The following ITGAM variants were observed in gnomAD, a reference collection of about 807,000 sequenced individuals.
The protein encoded by ITGAM is integrin alpha-M.
Under a neutral mutation model 137.5 loss-of-function variants are expected in ITGAM, and 79 were observed. That is an observed-to-expected ratio of 0.57 (90% CI 0.48 to 0.69). ITGAM has a LOEUF of 0.69. Ranked by LOEUF, ITGAM falls within the 30% of genes least tolerant of loss-of-function variation. The pLI is 0.00. For synonymous variants in ITGAM, 583 were observed against 592.3 expected (o/e 0.98, Z 0.23); for missense variants, 1,343 against 1,483.5 (o/e 0.91, Z 1.56).
rs1402652091 is a variant in ITGAM at position 31,273,424 on chromosome 16, T to A, written c.764T>A (p.Val255Asp). ...AAGAATGCCTTTAAGATCCTAGTTG[T>A]CATCACGGATGGAGAAAAGTTTGGC... Reference protein sequence around the residue: ...ARKNAFKILVVITDGEKFGDP... With the variant: ...ARKNAFKILVDITDGEKFGDP... The change falls in exon 8 of 30, where the codon GTC becomes GAC. Residue 255 changes from valine to aspartate, a missense_variant. Transcript: ENST00000544665. The A allele has an allele frequency of 2.5e-6, 4 of 1,613,742 alleles. No homozygotes were observed. The African/African-American group carries it at 5.3e-5, about 22-fold the overall frequency.
intron 12 of ITGAM, among the ~76,000 whole-genome samples, chr16:31,282,412 G>A (rs1472185733): frequency 6.6e-6 from 1 of 152,140 alleles, no homozygotes; most frequent in Non-Finnish European, 1.5e-5. Flanking sequence ...CCTGTACTGG[G>A]TGCATATATA....
At chr16:31,265,978 G>A (rs2144261628) in intron 4 of ITGAM, 52 bp from the exon 5 acceptor site, 2 of 1,593,732 alleles carry the variant, frequency 1.3e-6, no homozygotes, top group East Asian at 2.2e-5. Flanking sequence ...AGGTGCTGGG[G>A]TACAAGGACA....
chr16:31,312,857 G>C (rs1355990405), intron 14 of ITGAM, among the ~76,000 whole-genome samples: 1 of 148,738 alleles, frequency 6.7e-6, no homozygotes, highest in Non-Finnish European at 1.5e-5. Context: ...GTCCTCCTGT[G>C]GTAGTAGGGA....
chr16:31,314,508 T>C (rs2080369755), intron 14 of ITGAM, among the ~76,000 whole-genome samples: 1 of 152,154 alleles, frequency 6.6e-6, no homozygotes, highest in Non-Finnish European at 1.5e-5. Flanking sequence ...ATTTCCTGCT[T>C]TTGTCAGGTT....
chr16:31,286,200 G>T (rs552442927), intron 12 of ITGAM, among the ~76,000 whole-genome samples: 1 of 151,978 alleles, frequency 6.6e-6, no homozygotes, highest in East Asian at 1.9e-4. Flanking sequence ...TTATGGTGGC[G>T]TAGTATTTGA....
At chr16:31,275,195 C>G (rs891411332) in intron 8 of ITGAM, among the ~76,000 whole-genome samples, 4 of 152,082 alleles carry the variant, frequency 2.6e-5, no homozygotes, top group African/African-American at 9.7e-5. Context: ...ACTACAGCAC[C>G]TGCATGACAC....
rs1420158985 is a variant in ITGAM, at chr16:31,331,950, T to G, written c.*243T>G. 1.8e-6 allele frequency: 1 copy of G among 555,872 alleles called. No homozygotes were observed. The highest frequency in any genetic ancestry group is 3.2e-6 in the Non-Finnish European group (1 of 314,530). 34.4% of individuals were successfully genotyped at this position (555,872 alleles called of 1,614,324 possible). ...ACGCCCATGTGTGAGTGTGTGCAAG[T>G]ATGTGAGTGTGTCCAAGTGTGTGTG... On this transcript the variant is annotated 3_prime_UTR_variant, in exon 30 of 30. Transcript: ENST00000544665.
chr16:31,281,631 T>C (rs1361352086), intron 12 of ITGAM, among the ~76,000 whole-genome samples: 1 of 152,228 alleles, frequency 6.6e-6, no homozygotes, highest in Non-Finnish European at 1.5e-5. Flanking sequence ...TTAGTCTTGC[T>C]AGCGGTCTAT....
chr16:31,315,251 A>G (rs2080378603), intron 14 of ITGAM, among the ~76,000 whole-genome samples: 1 of 152,038 alleles, frequency 6.6e-6, no homozygotes, highest in Non-Finnish European at 1.5e-5. Flanking sequence ...CACTCTGTTA[A>G]TTATTCCTTT....
chr16:31,308,775 TC>T (rs2080292458), intron 14 of ITGAM, among the ~76,000 whole-genome samples: 1 of 152,198 alleles, frequency 6.6e-6, no homozygotes, highest in Non-Finnish European at 1.5e-5. Context: ...TCCTGCTTTC[TC>T]TTATGGGCAT....
intron 14 of ITGAM, among the ~76,000 whole-genome samples, chr16:31,318,806 A>G (rs73534446): frequency 0.012 from 1,884 of 151,976 alleles, 36 homozygotes; most frequent in African/African-American, 0.043. Flanking sequence ...GTGTAAAGTT[A>G]GGTTTTGTAA....
intron 14 of ITGAM, among the ~76,000 whole-genome samples, chr16:31,314,338 T>A (rs1210438319): frequency 2.0e-5 from 3 of 152,216 alleles, no homozygotes; most frequent in Non-Finnish European, 2.9e-5. Flanking sequence ...GCCTAGGTTT[T>A]ATTCTAGGGT....
At chr16:31,327,282 T>C (rs541240262) in intron 22 of ITGAM, among the ~76,000 whole-genome samples, 2 of 152,266 alleles carry the variant, frequency 1.3e-5, no homozygotes, top group African/African-American at 4.8e-5. Flanking sequence ...TCAGAGAAGA[T>C]TCCTAAAGAA....
At position 31,330,629 on chromosome 16, in the gene ITGAM, A is replaced by G. The variant is rs772469837; in HGVS notation, c.3276+24A>G. On this transcript the variant is annotated intron_variant, in intron 28 of 29. Transcript: ENST00000544665. Reference sequence around the variant, plus strand: ...AGGTACCTGTCTTGGGCGCTGAGGAACTATTGGAGGGAGAGGGGCTGCGCT... The same window carrying G: ...AGGTACCTGTCTTGGGCGCTGAGGAGCTATTGGAGGGAGAGGGGCTGCGCT... 1.2e-5 allele frequency: 18 copies of G among 1,541,532 alleles called. No homozygotes were observed. The Admixed American group carries it at 3.2e-4, about 27-fold the overall frequency.
At chr16:31,262,337 ATCCTTCCTTCCTTCCTTCCTTCCTTCCT>A (rs71151462) in intron 2 of ITGAM, among the ~76,000 whole-genome samples, 175 of 89,108 alleles carry the variant, frequency 2.0e-3, no homozygotes, top group African/African-American at 4.8e-3. Context: ...CCTCCCTTCC[ATCCTTCCTTCCTTCCTTCCTTCCTTCCT>A]TCCTTCCTTC....
intron 22 of ITGAM, among the ~76,000 whole-genome samples, chr16:31,327,336 C>T (rs2080518332): frequency 6.6e-6 from 1 of 151,944 alleles, no homozygotes; most frequent in Non-Finnish European, 1.5e-5. Flanking sequence ...CCTGTAATCC[C>T]AGCACTTTGG....
At position 31,329,484 on chromosome 16, in the gene ITGAM, C is replaced by A. The variant is rs1000394651; in HGVS notation, c.2868+181C>A. On this transcript the variant is annotated intron_variant, in intron 24 of 29. Coordinates refer to ENST00000544665, the MANE Select transcript of ITGAM (RefSeq NM_000632.4). The stretch of plus-strand genomic sequence containing the variant: ...CACGTATGTATGTGACATGCACGCA[C>A]GTAGTTATCTTGTATTACCTTCGTA... 2.6e-5 allele frequency among the ~76,000 whole-genome samples: 4 copies of A among 152,128 alleles called. No individual in the cohort carries two copies. The South Asian group carries it at 8.3e-4, about 32-fold the overall frequency.
chr16:31,290,033 A>G (rs2144356954), intron 12 of ITGAM, among the ~76,000 whole-genome samples: 1 of 150,218 alleles, frequency 6.7e-6, no homozygotes, highest in African/African-American at 2.4e-5. Flanking sequence ...GTGAGCCGAG[A>G]TCATGCCATT....
chr16:31,299,865 C>T (rs144403186), intron 14 of ITGAM, among the ~76,000 whole-genome samples: 2 of 143,052 alleles, frequency 1.4e-5, no homozygotes, highest in Non-Finnish European at 3.1e-5. Context: ...TCCTCCTCCT[C>T]CTTCTTCTTT....
Sources: allele counts gnomAD v4.1 joint callset (sites outside exome capture counted in the v4.1 genomes callset), GRCh38; gene constraint gnomAD v4.1.1; transcripts MANE v1.5; gene names NCBI Gene and HGNC (gene_info 2026-07-23, HGNC 2026-07-21).